PSME3: variants seen among roughly 807,000 people sequenced by gnomAD.
PSME3 encodes proteasome activator complex subunit 3.
A neutral mutation model predicts 38.3 loss-of-function variants in PSME3; 7 were observed. That is an observed-to-expected ratio of 0.18 (90% CI 0.10 to 0.34). The LOEUF (loss-of-function observed/expected upper bound fraction) is 0.34, where lower values mean the gene tolerates loss of function less well. Ranked by LOEUF, PSME3 falls within the 10% of genes least tolerant of loss-of-function variation. The probability of loss-of-function intolerance (pLI) is 1.00; values close to 1 mark genes in which losing one functional copy is unlikely to be tolerated. For synonymous variants in PSME3, 108 were observed against 105.7 expected (o/e 1.02, Z -0.13); for missense variants, 192 against 307.6 (o/e 0.62, Z 2.81).
chr17:42,841,399 T>G lies in PSME3; in HGVS notation c.685-99T>G. ...TTGATGACATTAAGGACTTACCGTA[T>G]GCAGATGATTGCTTGGGGATTTGTG... On this transcript the variant is annotated intron_variant, in intron 10 of 10. Coordinates refer to ENST00000590720, the MANE Select transcript of PSME3 (RefSeq NM_005789.4). 6.5e-6 allele frequency: 4 copies of G among 618,230 alleles called. No individual in the cohort carries two copies. In the South Asian group the frequency reaches 1.1e-4, roughly 17 times the overall value. 38.3% of individuals were successfully genotyped at this position (618,230 alleles called of 1,614,324 possible).
At chr17:42,839,070 C>G in intron 8 of PSME3, 42 bp from the exon 9 acceptor site, 1 of 1,594,040 alleles carries the variant, frequency 6.3e-7, no homozygotes, top group South Asian at 1.1e-5. Context: ...TGGGCACCAT[C>G]AAGGGTCTCC....
Position 42,840,975 on chromosome 17 carries a change from T to G in PSME3, c.685-523T>G, listed in dbSNP as rs1036145974. On this transcript the variant is annotated intron_variant, in intron 10 of 10. Coordinates refer to ENST00000590720, the MANE Select transcript of PSME3 (RefSeq NM_005789.4). ...GGTGAAACCCCATCTGTACTAAAAA[T>G]AAAAAAAATTAGCCGGGTGTGGTGG... is the stretch of plus-strand genomic sequence containing the variant. 7.3e-5 allele frequency among the ~76,000 whole-genome samples: 11 copies of G among 151,002 alleles called. No individual in the cohort carries two copies. The South Asian group carries it at 2.1e-3, about 29-fold the overall frequency.
chr17:42,841,630 G>T lies in PSME3; in HGVS notation c.*52G>T, dbSNP rs889771300. The T allele has an allele frequency of 1.3e-5, 17 of 1,315,452 alleles. No homozygotes were observed. In the African/African-American group the frequency reaches 2.4e-4, roughly 19 times the overall value. The allele number at this position is 1,315,452 out of a possible 1,614,324, so 81.5% of individuals were successfully genotyped here. On this transcript the variant is annotated 3_prime_UTR_variant, in exon 11 of 11. Coordinates refer to ENST00000590720, the MANE Select transcript of PSME3 (RefSeq NM_005789.4). Reference sequence around the variant, plus strand: ...GTGAGTCTGGCTCAAGACCGACATTGCCTTGGTTTGTTACATGACTATCGT... The same window carrying T: ...GTGAGTCTGGCTCAAGACCGACATTTCCTTGGTTTGTTACATGACTATCGT...
At chr17:42,833,798 G>C (rs758730687) in intron 1 of PSME3, 125 bp downstream of exon 1, 2 of 1,590,850 alleles carry the variant, frequency 1.3e-6, no homozygotes, top group Non-Finnish European at 1.7e-6. Flanking sequence ...GCTCGGCTCA[G>C]CCCAGCCCCC....
chr17:42,839,996 C>CA lies in PSME3; in HGVS notation c.684+626dup, dbSNP rs1409768408. Among the ~76,000 whole-genome samples the CA allele has an allele frequency of 5.1e-3, 677 of 132,404 alleles. 3 individuals carry two copies. Among genetic ancestry groups the CA allele is most frequent in the African/African-American group, 0.018 (615 of 35,104 alleles). 86.9% of individuals were successfully genotyped at this position (132,404 alleles called of 152,430 possible). A position where few individuals can be genotyped will look rare whatever the true frequency, so the allele number is the denominator to read the frequency against. On this transcript the variant is annotated intron_variant, in intron 10 of 10. Coordinates refer to ENST00000590720, the MANE Select transcript of PSME3 (RefSeq NM_005789.4). ...GGGCAACAAGAGCGAAACTCCATCT[C>CA]AAAAAAAAAATAAAAATAGGCTGTA...
At chr17:42,834,626 G>T (rs369077411) in intron 3 of PSME3, 49 bp downstream of exon 3, 2 of 1,610,932 alleles carry the variant, frequency 1.2e-6, no homozygotes, top group South Asian at 2.2e-5. Flanking sequence ...TTTGGCCCTG[G>T]TATTACTGTC....
chr17:42,833,702 C>G (rs750253474), intron 1 of PSME3, 29 bp downstream of exon 1: 1 of 1,614,220 alleles, frequency 6.2e-7, no homozygotes, highest in South Asian at 1.1e-5. Context: ...CCTTTTTGCC[C>G]CTCGCTTTGA....
chr17:42,840,235 A>G (rs1854462766), intron 10 of PSME3, among the ~76,000 whole-genome samples: 1 of 151,818 alleles, frequency 6.6e-6, no homozygotes, highest in African/African-American at 2.4e-5. Flanking sequence ...GTGAGCCGAG[A>G]TTGCGCCACT....
chr17:42,834,595 T>A lies in PSME3; in HGVS notation c.138+18T>A. 1.2e-6 allele frequency: 2 copies of A among 1,612,444 alleles called. No individual in the cohort carries two copies. The highest frequency in any genetic ancestry group is 1.7e-6 in the Non-Finnish European group (2 of 1,178,674). On this transcript the variant is annotated intron_variant, in intron 3 of 10. Coordinates refer to ENST00000590720, the MANE Select transcript of PSME3 (RefSeq NM_005789.4). ...TTCTGAAGGTGAGAGACCCTATTCT[T>A]TCCTCAAATTCCCCAATTTTTTTGG...
At position 42,843,401 on chromosome 17, in the gene PSME3, G is replaced by C. The variant is rs1597959382; in HGVS notation, c.*1823G>C. 2 of 152,430 alleles carry C rather than the reference G, an allele frequency of 1.3e-5. No homozygotes were observed. The highest frequency in any genetic ancestry group is 6.5e-5 in the Admixed American group (1 of 15,278). The allele number at this position is 152,430 out of a possible 1,614,324, so 9.4% of individuals were successfully genotyped here. A position where few individuals can be genotyped will look rare whatever the true frequency, so the allele number is the denominator to read the frequency against. On this transcript the variant is annotated 3_prime_UTR_variant, in exon 11 of 11. Coordinates refer to ENST00000590720, the MANE Select transcript of PSME3 (RefSeq NM_005789.4). ...TTCCCCAGTATAGTGGAAAGACTGA[G>C]GCTTCTGCCTACTGAGCAAGGTTGG...
intron 8 of PSME3, 25 bp downstream of exon 8, chr17:42,839,037 G>C (rs2055497742): frequency 6.2e-7 from 1 of 1,612,002 alleles, no homozygotes; most frequent in African/African-American, 1.3e-5. Context: ...GCTTGGCCGA[G>C]GCGTTGGGGG....
intron 1 of PSME3, chr17:42,833,925 GGCCCGTGACA>G: frequency 2.1e-6 from 3 of 1,442,404 alleles, no homozygotes; most frequent in Non-Finnish European, 2.7e-6. Context: ...CAGGGCTTTA[GGCCCGTGACA>G]GCTGGTAATC....
Position 42,843,104 on chromosome 17 carries a change from T to C in PSME3, c.*1526T>C, listed in dbSNP as rs34878294. 6.5e-6 allele frequency: 1 copy of C among 152,774 alleles called. No homozygotes were observed. Among genetic ancestry groups the C allele is most frequent in the Admixed American group, 6.6e-5 (1 of 15,264 alleles). 9.5% of individuals were successfully genotyped at this position (152,774 alleles called of 1,614,324 possible). On this transcript the variant is annotated 3_prime_UTR_variant, in exon 11 of 11. Coordinates refer to ENST00000590720, the MANE Select transcript of PSME3 (RefSeq NM_005789.4). ...AACCCTTCCCCCTTCCCTCCATGTG[T>C]TTCTCAGTTTCCCGTTTCGTTTGTT...
intron 10 of PSME3, 142 bp from the exon 11 acceptor site, chr17:42,841,356 G>C: frequency 2.5e-6 from 1 of 407,982 alleles, no homozygotes; most frequent in Non-Finnish European, 4.3e-6. Flanking sequence ...CCTTCAAGTC[G>C]CAGTTGCTAA....
At chr17:42,838,305 G>GT (rs2055488678) in intron 6 of PSME3, 100 bp downstream of exon 6, 21 of 1,495,186 alleles carry the variant, frequency 1.4e-5, no homozygotes, top group South Asian at 5.4e-5. Context: ...GGCAGACTAG[G>GT]TTTTTTTGAG....
chr17:42,839,505 T>C, intron 10 of PSME3, 125 bp downstream of exon 10: 1 of 734,680 alleles, frequency 1.4e-6, no homozygotes, highest in Middle Eastern at 3.8e-4. Flanking sequence ...CAAATTCTAT[T>C]CATCACCTGA....
In PSME3 at chr17:42,842,363, C is replaced by T. The variant is rs905726652; in HGVS notation, c.*785C>T. The T allele has an allele frequency of 2.6e-5, 4 of 152,814 alleles. No homozygotes were observed. The highest frequency in any genetic ancestry group is 5.9e-5 in the Non-Finnish European group (4 of 68,060). 9.5% of individuals were successfully genotyped at this position (152,814 alleles called of 1,614,324 possible). On this transcript the variant is annotated 3_prime_UTR_variant, in exon 11 of 11. Transcript: ENST00000590720. Reference sequence around the variant, plus strand: ...TCTACCCAGACAAACGTCCTGGGCCCGTCCTCCCTCCTGATACTGTAGCCT... The same window carrying T: ...TCTACCCAGACAAACGTCCTGGGCCTGTCCTCCCTCCTGATACTGTAGCCT...
chr17:42,839,947 G>C (rs1325135660), intron 10 of PSME3, among the ~76,000 whole-genome samples: 2 of 151,722 alleles, frequency 1.3e-5, no homozygotes, highest in East Asian at 3.9e-4. Flanking sequence ...GGTGAGCCAA[G>C]ATTGCTCCAT....
chr17:42,837,521 G>T lies in PSME3; in HGVS notation c.244-128G>T, dbSNP rs2055477806. 3.9e-5 allele frequency: 41 copies of T among 1,052,622 alleles called. 1 individual carries two copies. In the South Asian group the frequency reaches 5.1e-4, roughly 13 times the overall value. The allele number at this position is 1,052,622 out of a possible 1,614,324, so 65.2% of individuals were successfully genotyped here. A position where few individuals can be genotyped will look rare whatever the true frequency, so the allele number is the denominator to read the frequency against. On this transcript the variant is annotated intron_variant, in intron 4 of 10. Coordinates refer to ENST00000590720, the MANE Select transcript of PSME3 (RefSeq NM_005789.4). The stretch of plus-strand genomic sequence containing the variant: ...TTCTTAAAGCTTTGTATGTACTTAG[G>T]AAATTGTGCAGAAATTAATAACATA...
Sources: gnomAD v4.1 joint callset for allele counts (sites outside exome capture counted in the v4.1 genomes callset) on GRCh38, gnomAD v4.1.1 for gene constraint, MANE v1.5 for transcripts, NCBI Gene and HGNC (gene_info 2026-07-23, HGNC 2026-07-21) for gene names.